Variants in ANKFN1 observed in about 807,000 individuals in gnomAD.
ANKFN1 encodes ankyrin repeat and fibronectin type-III domain-containing protein 1.
ANKFN1 carries 74 observed loss-of-function variants against 108.7 expected under a neutral mutation model. That is an observed-to-expected ratio of 0.68 (90% CI 0.56 to 0.83). The LOEUF (loss-of-function observed/expected upper bound fraction) is 0.83, where lower values mean the gene tolerates loss of function less well. ANKFN1 is among the 40% of genes least tolerant of loss of function. ANKFN1 has a pLI of 0.00. For synonymous variants in ANKFN1, 547 were observed against 516.2 expected (o/e 1.06, Z -0.81); for missense variants, 1,505 against 1,382.3 (o/e 1.09, Z -1.41).
intron 15 of ANKFN1, among the ~76,000 whole-genome samples, chr17:56,474,321 C>A (rs1008634111): frequency 6.6e-6 from 1 of 152,190 alleles, no homozygotes; most frequent in African/African-American, 2.4e-5. Flanking sequence ...TGAGGTTATA[C>A]AGTGAAACAG....
intron 4 of ANKFN1, among the ~76,000 whole-genome samples, chr17:56,145,415 A>G (rs1450390696): frequency 6.6e-6 from 1 of 152,204 alleles, no homozygotes; most frequent in Non-Finnish European, 1.5e-5. Flanking sequence ...TCACAGTTCT[A>G]CATTGCTGGG....
intron 8 of ANKFN1, among the ~76,000 whole-genome samples, chr17:56,404,700 G>A (rs1222787821): frequency 2.6e-5 from 4 of 152,098 alleles, no homozygotes; most frequent in Admixed American, 6.6e-5. Context: ...CATTGCTGGT[G>A]AACTAGTGTG....
intron 1 of ANKFN1, chr17:56,206,542 A>G (rs1183592781): frequency 6.6e-6 from 1 of 152,178 alleles, no homozygotes; most frequent in Non-Finnish European, 1.5e-5. Flanking sequence ...CCGGGCCCAC[A>G]CTGTGGTTAT....
chr17:56,328,109 A>T (rs1305661968), intron 4 of ANKFN1, among the ~76,000 whole-genome samples: 1 of 152,208 alleles, frequency 6.6e-6, no homozygotes, highest in African/African-American at 2.4e-5. Context: ...TTGATTAGTG[A>T]TAACTGATTT....
At chr17:56,228,604 G>A (rs1466986686) in intron 3 of ANKFN1, 1 of 151,862 alleles carries the variant, frequency 6.6e-6, no homozygotes, top group Non-Finnish European at 1.5e-5. Context: ...TGAAATGAAG[G>A]TAAGAATAAT....
intron 14 of ANKFN1, among the ~76,000 whole-genome samples, chr17:56,459,582 C>A (rs1348399189): frequency 1.3e-5 from 2 of 152,190 alleles, no homozygotes; most frequent in Non-Finnish European, 2.9e-5. Flanking sequence ...TAAATACATT[C>A]CTAAGAGGCT....
intron 3 of ANKFN1, among the ~76,000 whole-genome samples, chr17:56,306,441 A>G (rs2044828995): frequency 6.6e-6 from 1 of 152,210 alleles, no homozygotes; most frequent in African/African-American, 2.4e-5. Flanking sequence ...TAACAGACAA[A>G]CAGAGAGCCA....
intron 8 of ANKFN1, among the ~76,000 whole-genome samples, chr17:56,427,875 A>C (rs935090877): frequency 6.6e-6 from 1 of 152,172 alleles, no homozygotes; most frequent in Non-Finnish European, 1.5e-5. Flanking sequence ...TTTGAGTCTC[A>C]GTTTCCTCAT....
chr17:56,120,588 G>T (rs1212740856), intron 4 of ANKFN1, among the ~76,000 whole-genome samples: 1 of 152,152 alleles, frequency 6.6e-6, no homozygotes, highest in East Asian at 1.9e-4. Flanking sequence ...CGCCTCCTCT[G>T]GACAAAGCTT....
At chr17:56,139,307 T>G (rs758563056) in intron 4 of ANKFN1, among the ~76,000 whole-genome samples, 18 of 152,278 alleles carry the variant, frequency 1.2e-4, no homozygotes, top group Non-Finnish European at 2.4e-4. Flanking sequence ...TTTACTATAC[T>G]GATAAATTAA....
intron 1 of ANKFN1, among the ~76,000 whole-genome samples, chr17:56,156,800 AAAT>A (rs1211408736): frequency 1.3e-5 from 2 of 152,298 alleles, no homozygotes; most frequent in Admixed American, 1.3e-4. Context: ...CTGTTTTTAT[AAAT>A]AATGTTTTAT....
At chr17:56,395,584 C>T (rs1216350204) in intron 8 of ANKFN1, among the ~76,000 whole-genome samples, 1 of 152,182 alleles carries the variant, frequency 6.6e-6, no homozygotes, top group African/African-American at 2.4e-5. Flanking sequence ...TGCCATGGCT[C>T]ACAACTGTAA....
chr17:56,334,284 T>A (rs1409590563), intron 4 of ANKFN1, among the ~76,000 whole-genome samples: 1 of 151,820 alleles, frequency 6.6e-6, no homozygotes, highest in African/African-American at 2.4e-5. Flanking sequence ...GCAAGAATGT[T>A]GATACTTCCC....
At chr17:56,113,764 A>G (rs1350324253) in intron 4 of ANKFN1, among the ~76,000 whole-genome samples, 1 of 152,180 alleles carries the variant, frequency 6.6e-6, no homozygotes, top group Non-Finnish European at 1.5e-5. Flanking sequence ...TCATAAGTCA[A>G]ATAGGCAGTC....
At chr17:56,208,598 C>T (rs796627269) in intron 1 of ANKFN1, among the ~76,000 whole-genome samples, 22 of 152,264 alleles carry the variant, frequency 1.4e-4, no homozygotes, top group African/African-American at 3.6e-4. Context: ...TCATGATATC[C>T]GCTGATCCTG....
intron 8 of ANKFN1, among the ~76,000 whole-genome samples, chr17:56,376,800 T>A (rs2046960171): frequency 6.6e-6 from 1 of 152,158 alleles, no homozygotes; most frequent in African/African-American, 2.4e-5. Flanking sequence ...TAAATAGAAT[T>A]GTCTGTTGCA....
intron 20 of ANKFN1, among the ~76,000 whole-genome samples, chr17:56,501,161 ATCTT>A (rs2051355348): frequency 6.6e-6 from 1 of 152,190 alleles, no homozygotes; most frequent in African/African-American, 2.4e-5. Context: ...GAAGGCCAAG[ATCTT>A]TGACACACAG....
chr17:56,245,063 A>C (rs369938962), intron 3 of ANKFN1, among the ~76,000 whole-genome samples: 1 of 152,154 alleles, frequency 6.6e-6, no homozygotes, highest in African/African-American at 2.4e-5. Flanking sequence ...GTAACTCCAA[A>C]AAACCCTATT....
intron 18 of ANKFN1, among the ~76,000 whole-genome samples, chr17:56,483,918 C>T (rs1028849275): frequency 6.6e-6 from 1 of 151,898 alleles, no homozygotes; most frequent in Non-Finnish European, 1.5e-5. Context: ...AATGAGAATA[C>T]AAATTATTAC....
Sources: gnomAD v4.1 joint callset for allele counts (sites outside exome capture counted in the v4.1 genomes callset) on GRCh38, gnomAD v4.1.1 for gene constraint, MANE v1.5 for transcripts, NCBI Gene and HGNC (gene_info 2026-07-23, HGNC 2026-07-21) for gene names.